Variants in HPSE2 observed in about 807,000 individuals in gnomAD.
HPSE2 encodes inactive heparanase-2.
Under a neutral mutation model 60.5 loss-of-function variants are expected in HPSE2, and 38 were observed. The ratio of observed to expected loss-of-function variants is 0.63; its 90% CI spans 0.48 to 0.82. The LOEUF is 0.82. Among genes scored for constraint, HPSE2 ranks in the 40% least tolerant of loss-of-function variants. The pLI is 0.00. For missense variants in HPSE2, 713 were observed against 740.4 expected (o/e 0.96, Z 0.43); for synonymous variants, 295 against 293.2 (o/e 1.01, Z -0.06).
At chr10:99,096,307 T>A (rs570029430) in intron 3 of HPSE2, among the ~76,000 whole-genome samples, 19 of 152,230 alleles carry the variant, frequency 1.2e-4, no homozygotes, top group Non-Finnish European at 2.5e-4. Flanking sequence ...TCTCCTAGAT[T>A]TTGTAAACAA....
intron 9 of HPSE2, among the ~76,000 whole-genome samples, chr10:98,561,991 T>C (rs558398): frequency 0.85 from 129,346 of 152,214 alleles, 56,223 homozygotes; most frequent in East Asian, 1. Flanking sequence ...AACACTCATT[T>C]ATTGACTCAT....
At chr10:98,614,715 G>T (rs1213509733) in intron 9 of HPSE2, among the ~76,000 whole-genome samples, 189 bp downstream of exon 9, 2 of 152,144 alleles carry the variant, frequency 1.3e-5, no homozygotes, top group African/African-American at 4.8e-5. Flanking sequence ...GTGTGTGTGT[G>T]TGTGTGTGTG....
intron 2 of HPSE2, among the ~76,000 whole-genome samples, chr10:99,230,917 G>A (rs1849623013): frequency 6.6e-6 from 1 of 152,112 alleles, no homozygotes; most frequent in African/African-American, 2.4e-5. Flanking sequence ...TAAGGTTCTG[G>A]GTCAAATTAC....
intron 11 of HPSE2, among the ~76,000 whole-genome samples, chr10:98,481,055 G>T (rs542431672): frequency 6.6e-6 from 1 of 152,232 alleles, no homozygotes; most frequent in South Asian, 2.1e-4. Flanking sequence ...AAAGCATTTG[G>T]CCAGTCCCCT....
chr10:98,572,027 G>C (rs755070475), intron 9 of HPSE2, among the ~76,000 whole-genome samples: 3 of 144,588 alleles, frequency 2.1e-5, no homozygotes, highest in Non-Finnish European at 4.5e-5. Context: ...CAACCTCCCC[G>C]CCTCCTGGGT....
At chr10:98,886,570 C>T (rs1478881975) in intron 3 of HPSE2, among the ~76,000 whole-genome samples, 1 of 151,284 alleles carries the variant, frequency 6.6e-6, no homozygotes, top group Non-Finnish European at 1.5e-5. Context: ...TCATGGCAAA[C>T]GTTAGGAAGA....
At chr10:98,494,327 T>C (rs1381352725) in intron 9 of HPSE2, among the ~76,000 whole-genome samples, 1 of 152,174 alleles carries the variant, frequency 6.6e-6, no homozygotes, top group Non-Finnish European at 1.5e-5. Flanking sequence ...TTTGTCCCAA[T>C]TGGCTAGCAA....
intron 3 of HPSE2, among the ~76,000 whole-genome samples, chr10:99,002,292 C>T (rs891916022): frequency 6.6e-6 from 1 of 152,074 alleles, no homozygotes; most frequent in Non-Finnish European, 1.5e-5. Flanking sequence ...ATTCCATCCT[C>T]ATGGAGGTGG....
intron 3 of HPSE2, among the ~76,000 whole-genome samples, chr10:98,768,347 A>G (rs1950170342): frequency 6.6e-6 from 1 of 152,078 alleles, no homozygotes; most frequent in African/African-American, 2.4e-5. Context: ...AAGGGCTGGG[A>G]TAGGTGGTGG....
intron 4 of HPSE2, among the ~76,000 whole-genome samples, chr10:98,723,028 T>A (rs1948968916): frequency 6.6e-6 from 1 of 152,234 alleles, no homozygotes; most frequent in Admixed American, 6.5e-5. Context: ...AGAGAGGGCA[T>A]CTCTGTCTTG....
At position 99,015,113 on chromosome 10, in the gene HPSE2, A is replaced by G. The variant is rs543788508; in HGVS notation, c.610+129125T>C. ...CAGAGAAATGCAAATCAAAACCACA[A>G]TGAGATACCATCTCACACCAGTTAG... On this transcript the variant is annotated intron_variant, in intron 3 of 11. Coordinates refer to ENST00000370552, the MANE Select transcript of HPSE2 (RefSeq NM_021828.5). Among the ~76,000 whole-genome samples the G allele has an allele frequency of 9.2e-5, 14 of 152,244 alleles. No homozygotes were observed. In the South Asian group the frequency reaches 2.7e-3, roughly 29 times the overall value.
chr10:98,948,168 A>T (rs958744397), intron 3 of HPSE2, among the ~76,000 whole-genome samples: 2 of 152,200 alleles, frequency 1.3e-5, no homozygotes, highest in African/African-American at 4.8e-5. Flanking sequence ...AAAAATAAAA[A>T]GCTGTGAAAG....
intron 5 of HPSE2, among the ~76,000 whole-genome samples, chr10:98,716,084 G>T (rs1297647183): frequency 6.6e-6 from 1 of 151,968 alleles, no homozygotes; most frequent in African/African-American, 2.4e-5. Flanking sequence ...ACTGTTCAGA[G>T]AATCTTCATC....
chr10:98,869,639 G>A (rs1292435429), intron 3 of HPSE2, among the ~76,000 whole-genome samples: 2 of 152,112 alleles, frequency 1.3e-5, no homozygotes, highest in East Asian at 3.9e-4. Flanking sequence ...CCACCAGTGA[G>A]AGTATTTACA....
chr10:98,885,290 T>C (rs1292714801), intron 3 of HPSE2, among the ~76,000 whole-genome samples: 1 of 152,290 alleles, frequency 6.6e-6, no homozygotes, highest in Non-Finnish European at 1.5e-5. Context: ...TTCTCATGAA[T>C]GAGCAGAGGG....
intron 9 of HPSE2, among the ~76,000 whole-genome samples, chr10:98,506,112 T>C (rs1040663443): frequency 6.6e-6 from 1 of 152,200 alleles, no homozygotes; most frequent in Non-Finnish European, 1.5e-5. Context: ...TGATACTGAG[T>C]CTTTTTATCT....
chr10:98,589,978 C>CCAGATATTCGCAATTT (rs1466938400), intron 9 of HPSE2, among the ~76,000 whole-genome samples: 1 of 152,192 alleles, frequency 6.6e-6, no homozygotes, highest in African/African-American at 2.4e-5. Context: ...CCTACCTTAT[C>CCAGATATTCGCAATTT]TCCCTTATGC....
chr10:99,144,566 C>T (rs1487019559), intron 2 of HPSE2, among the ~76,000 whole-genome samples, 167 bp from the exon 3 acceptor site: 1 of 152,170 alleles, frequency 6.6e-6, no homozygotes, highest in Non-Finnish European at 1.5e-5. Flanking sequence ...AACTCCATGA[C>T]ACATCCTGAA....
At chr10:99,121,917 C>T (rs1844968496) in intron 3 of HPSE2, among the ~76,000 whole-genome samples, 1 of 152,016 alleles carries the variant, frequency 6.6e-6, no homozygotes, top group Admixed American at 6.6e-5. Context: ...TATGATACAT[C>T]CATACAATGT....
Sources: allele counts gnomAD v4.1 joint callset (sites outside exome capture counted in the v4.1 genomes callset), GRCh38; gene constraint gnomAD v4.1.1; transcripts MANE v1.5; gene names NCBI Gene and HGNC (gene_info 2026-07-23, HGNC 2026-07-21).